Variants in TIAM1 observed in about 807,000 individuals in gnomAD.
TIAM1 encodes rho guanine nucleotide exchange factor TIAM1.
A neutral mutation model predicts 163.5 loss-of-function variants in TIAM1; 65 were observed. That is an observed-to-expected ratio of 0.40 (90% confidence interval 0.33 to 0.49). TIAM1 has a LOEUF of 0.49. Among genes scored for constraint, TIAM1 ranks in the 20% least tolerant of loss-of-function variants. The pLI is 0.77. For missense variants in TIAM1, 1,789 were observed against 2,044.7 expected (o/e 0.87, Z 2.41); for synonymous variants, 833 against 810.1 (o/e 1.03, Z -0.48).
intron 1 of TIAM1, among the ~76,000 whole-genome samples, chr21:31,495,585 G>A (rs1569384700): frequency 6.6e-6 from 1 of 152,144 alleles, no homozygotes; most frequent in Admixed American, 6.5e-5. Context: ...ATTTTGGAGG[G>A]GCCACATTCG....
At chr21:31,159,844 T>C (rs1452380561) in intron 16 of TIAM1, among the ~76,000 whole-genome samples, 3 of 152,212 alleles carry the variant, frequency 2.0e-5, no homozygotes, top group East Asian at 1.9e-4. Context: ...CACTTCCTCA[T>C]TGGAGAGTGA....
At chr21:31,319,261 A>G (rs979403678) in intron 2 of TIAM1, among the ~76,000 whole-genome samples, 8 of 152,174 alleles carry the variant, frequency 5.3e-5, no homozygotes, top group African/African-American at 1.9e-4. Flanking sequence ...AAGCTGCTCA[A>G]CTGGTGTACA....
At chr21:31,412,282 G>A (rs1001981488) in intron 2 of TIAM1, among the ~76,000 whole-genome samples, 4 of 152,154 alleles carry the variant, frequency 2.6e-5, no homozygotes, top group Admixed American at 6.5e-5. Flanking sequence ...AAAGGATGGC[G>A]GGGTGCAAAG....
intron 15 of TIAM1, among the ~76,000 whole-genome samples, chr21:31,174,913 T>C (rs541313287): frequency 6.6e-6 from 1 of 152,320 alleles, no homozygotes; most frequent in African/African-American, 2.4e-5. Flanking sequence ...CCCAACGTGC[T>C]GGGATTACAG....
At chr21:31,242,860 CAAAAAAAAA>C (rs11417948) in intron 6 of TIAM1, among the ~76,000 whole-genome samples, 1 of 95,094 alleles carries the variant, frequency 1.1e-5, no homozygotes, top group Non-Finnish European at 2.0e-5. Context: ...GACTCTGTCT[CAAAAAAAAA>C]AAAAAAAAAA....
intron 1 of TIAM1, among the ~76,000 whole-genome samples, chr21:31,508,683 C>G (rs879659509): frequency 2.0e-5 from 3 of 152,144 alleles, no homozygotes; most frequent in Non-Finnish European, 4.4e-5. Flanking sequence ...AACCACCGCG[C>G]CCAGACTCAT....
chr21:31,444,649 G>T (rs560183327), intron 2 of TIAM1, among the ~76,000 whole-genome samples: 29 of 152,106 alleles, frequency 1.9e-4, no homozygotes, highest in Non-Finnish European at 4.0e-4. Context: ...CCAAAGAACT[G>T]CAGTCTGCCA....
chr21:31,226,266 G>A (rs1601618790), intron 6 of TIAM1, among the ~76,000 whole-genome samples: 1 of 152,176 alleles, frequency 6.6e-6, no homozygotes, highest in South Asian at 2.1e-4. Flanking sequence ...GTCTACTCAC[G>A]AGGGTTGCTG....
intron 9 of TIAM1, 32 bp from the exon 10 acceptor site, chr21:31,213,504 A>C (rs760866140): frequency 1.2e-6 from 2 of 1,606,222 alleles, no homozygotes; most frequent in Admixed American, 3.3e-5. Context: ...CTTAAAAAGG[A>C]ATCTGGGCAA....
At chr21:31,363,956 GT>G (rs2076454282) in intron 2 of TIAM1, among the ~76,000 whole-genome samples, 1 of 152,114 alleles carries the variant, frequency 6.6e-6, no homozygotes, top group Admixed American at 6.6e-5. Context: ...GAGATCAGTG[GT>G]GTTCAATTTC....
At chr21:31,362,910 T>C (rs927720369) in intron 2 of TIAM1, among the ~76,000 whole-genome samples, 3 of 152,116 alleles carry the variant, frequency 2.0e-5, no homozygotes, top group Non-Finnish European at 4.4e-5. Context: ...AGTTCTCTGA[T>C]GGGTATTTTT....
chr21:31,488,680 G>A (rs763512769), intron 1 of TIAM1, among the ~76,000 whole-genome samples: 9 of 152,196 alleles, frequency 5.9e-5, no homozygotes, highest in African/African-American at 1.2e-4. Flanking sequence ...ATCAGATCTC[G>A]TGAGACTTAT....
At chr21:31,230,394 A>T (rs1302729599) in intron 6 of TIAM1, among the ~76,000 whole-genome samples, 1 of 151,272 alleles carries the variant, frequency 6.6e-6, no homozygotes. Flanking sequence ...AATCTCCACC[A>T]ACCCTGTTCT....
At chr21:31,553,066 C>A (rs2048746298) in intron 1 of TIAM1, among the ~76,000 whole-genome samples, 1 of 152,188 alleles carries the variant, frequency 6.6e-6, no homozygotes, top group South Asian at 2.1e-4. Context: ...GCCATCAGAA[C>A]AGTACTAGAT....
rs1191882772 is a variant in TIAM1 at position 31,395,231 on chromosome 21, C to T, written c.-368-55809G>A. 8.6e-6 allele frequency among the ~76,000 whole-genome samples: 1 copy of T among 116,058 alleles called. No homozygotes were observed. Among genetic ancestry groups the T allele is most frequent in the African/African-American group, 2.7e-5 (1 of 36,844 alleles). The allele number at this position is 116,058 out of a possible 152,430, so 76.1% of individuals were successfully genotyped here. On this transcript the variant is annotated intron_variant, in intron 2 of 28. Coordinates refer to the TIAM1 transcript ENST00000286827. This position sits in a 1 kb window ranked among gnomAD's most constrained non-coding sequence, Gnocchi z 7.5. ...CCAGCCTGGGCAACAGAGTGAGACT[C>T]TGTCTCAAAAAAAAAAAAGAGGAGG...
intron 1 of TIAM1, among the ~76,000 whole-genome samples, chr21:31,530,388 GATGGAATTCCAAAAATCCCAA>G (rs1280237310): frequency 6.6e-6 from 1 of 152,216 alleles, no homozygotes; most frequent in Non-Finnish European, 1.5e-5. Context: ...CCTGAACAGT[GATGGAATTCCAAAAATCCCAA>G]AATCCCCAAA....
At chr21:31,225,071 G>A (rs2087866171) in intron 7 of TIAM1, among the ~76,000 whole-genome samples, 1 of 152,024 alleles carries the variant, frequency 6.6e-6, no homozygotes, top group African/African-American at 2.4e-5. Context: ...CCAGGCTGGA[G>A]TGCAATGGCA....
intron 2 of TIAM1, among the ~76,000 whole-genome samples, chr21:31,436,688 T>A (rs2044221250): frequency 6.6e-6 from 1 of 152,038 alleles, no homozygotes. Flanking sequence ...CCAGGAGCAG[T>A]GGCTCACACC....
At chr21:31,548,499 T>TC (rs1569426986) in intron 1 of TIAM1, among the ~76,000 whole-genome samples, 1 of 150,750 alleles carries the variant, frequency 6.6e-6, no homozygotes, top group Non-Finnish European at 1.5e-5. Context: ...TGTTTTTTTT[T>TC]TTTTTTGAGA....
Sources: gnomAD v4.1 joint callset for allele counts (sites outside exome capture counted in the v4.1 genomes callset) on GRCh38, gnomAD v4.1.1 for gene constraint, Gnocchi (gnomAD v3.1) non-coding constraint, MANE v1.5 for transcripts, NCBI Gene and HGNC (gene_info 2026-07-23, HGNC 2026-07-21) for gene names.